ROBO2: variants seen among roughly 807,000 people sequenced by gnomAD.
ROBO2 encodes roundabout guidance receptor 2, also known as roundabout homolog 2.
In ROBO2, 53 loss-of-function variants were observed where a neutral mutation model predicts 160.8. The ratio of observed to expected loss-of-function variants is 0.33; its 90% CI spans 0.26 to 0.41. The LOEUF is 0.41. ROBO2 is among the 10% of genes least tolerant of loss of function. The pLI, the probability that ROBO2 is intolerant of heterozygous loss-of-function variation, is 1.00. For missense variants in ROBO2, 1,577 were observed against 1,722.4 expected (o/e 0.92, Z 1.49); for synonymous variants, 664 against 611.7 (o/e 1.09, Z -1.26).
At chr3:76,035,245 G>T in intron 2 of ROBO2, among the ~76,000 whole-genome samples, 1 of 141,100 alleles carries the variant, frequency 7.1e-6, no homozygotes. Context: ...GCACATATTT[G>T]GTATTTAAGA....
intron 2 of ROBO2, among the ~76,000 whole-genome samples, chr3:75,979,536 T>C (rs539965084): frequency 1.3e-5 from 2 of 151,562 alleles, no homozygotes; most frequent in African/African-American, 4.8e-5. Flanking sequence ...ATCTAACCTA[T>C]TGGGAGCACA....
intron 2 of ROBO2, among the ~76,000 whole-genome samples, chr3:77,310,202 T>A (rs1436890258): frequency 2.0e-5 from 3 of 152,126 alleles, no homozygotes; most frequent in Non-Finnish European, 4.4e-5. Context: ...AGAGCCCGTT[T>A]ATTGCGAAAT....
intron 2 of ROBO2, among the ~76,000 whole-genome samples, chr3:77,112,992 G>A (rs946892514): frequency 6.6e-6 from 1 of 152,154 alleles, no homozygotes; most frequent in African/African-American, 2.4e-5. Context: ...ATAATTCTCA[G>A]CACTTTCCTA....
chr3:76,263,768 G>A (rs7639326), intron 2 of ROBO2, among the ~76,000 whole-genome samples: 113,462 of 152,068 alleles, frequency 0.75, 45,799 homozygotes, highest in Non-Finnish European at 0.92. Context: ...ATACATGCAC[G>A]TGTATGTTTA....
At chr3:77,482,983 C>T (rs1374897) in intron 4 of ROBO2, among the ~76,000 whole-genome samples, 53,541 of 151,944 alleles carry the variant, frequency 0.35, 9,582 homozygotes, top group Admixed American at 0.44. Flanking sequence ...GAAATATTTA[C>T]TCTACTTTCC....
At chr3:75,914,526 G>A (rs915528570) in intron 1 of ROBO2, among the ~76,000 whole-genome samples, 7 of 151,982 alleles carry the variant, frequency 4.6e-5, no homozygotes, top group Non-Finnish European at 8.8e-5. Flanking sequence ...TAACAATGTC[G>A]AAGAAAGTAT....
chr3:76,632,479 G>A (rs553754827), intron 2 of ROBO2, among the ~76,000 whole-genome samples: 2 of 152,170 alleles, frequency 1.3e-5, no homozygotes, highest in South Asian at 4.1e-4. Flanking sequence ...TTGCCTCATT[G>A]TGAGGTAAGT....
intron 2 of ROBO2, among the ~76,000 whole-genome samples, chr3:76,245,270 G>A (rs1705548199): frequency 6.6e-6 from 1 of 152,190 alleles, no homozygotes; most frequent in Admixed American, 6.5e-5. Flanking sequence ...GCCAGAGCTT[G>A]AACCCTTTTG....
intron 2 of ROBO2, among the ~76,000 whole-genome samples, chr3:76,720,584 G>A (rs1383999176): frequency 6.6e-6 from 1 of 152,170 alleles, no homozygotes; most frequent in Admixed American, 6.5e-5. Context: ...TTTGCCTTAG[G>A]CAGAAACAAA....
At chr3:76,995,955 A>G (rs1443875892) in intron 2 of ROBO2, among the ~76,000 whole-genome samples, 1 of 152,086 alleles carries the variant, frequency 6.6e-6, no homozygotes, top group Non-Finnish European at 1.5e-5. Context: ...CTTTAGTTTA[A>G]TTAGATCCCA....
At chr3:76,415,239 G>T (rs1377322223) in intron 2 of ROBO2, among the ~76,000 whole-genome samples, 2 of 152,132 alleles carry the variant, frequency 1.3e-5, no homozygotes, top group Admixed American at 6.5e-5. Flanking sequence ...CAGTTCTGAG[G>T]CAATGGGACT....
intron 2 of ROBO2, among the ~76,000 whole-genome samples, chr3:77,421,324 T>A (rs1003441365): frequency 6.6e-6 from 1 of 152,148 alleles, no homozygotes; most frequent in African/African-American, 2.4e-5. Flanking sequence ...ACGACAAATA[T>A]CCAGAGAAGT....
intron 2 of ROBO2, among the ~76,000 whole-genome samples, chr3:76,639,528 C>T (rs896772658): frequency 3.3e-5 from 5 of 151,580 alleles, no homozygotes; most frequent in African/African-American, 1.2e-4. Flanking sequence ...TACTATGAAA[C>T]GAGGAGCAGT....
At chr3:76,550,103 CT>C (rs1447254471) in intron 2 of ROBO2, among the ~76,000 whole-genome samples, 1 of 152,090 alleles carries the variant, frequency 6.6e-6, no homozygotes, top group African/African-American at 2.4e-5. Context: ...TATTGCTTTA[CT>C]TTTTAAATAT....
chr3:77,200,295 ATATATATATATAT>A (rs2082749930), intron 2 of ROBO2, among the ~76,000 whole-genome samples: 2 of 75,290 alleles, frequency 2.7e-5, no homozygotes, highest in African/African-American at 1.2e-4. Context: ...ATATATATAT[ATATATATATATAT>A]ATATATATAT....
At chr3:76,533,696 A>AG (rs1219230263) in intron 2 of ROBO2, among the ~76,000 whole-genome samples, 9 of 152,078 alleles carry the variant, frequency 5.9e-5, no homozygotes, top group African/African-American at 2.2e-4. Context: ...GAGATAGGGG[A>AG]GGGGCAGCTT....
chr3:77,354,360 C>A (rs541615127), intron 2 of ROBO2, among the ~76,000 whole-genome samples: 1 of 152,296 alleles, frequency 6.6e-6, no homozygotes, highest in African/African-American at 2.4e-5. Flanking sequence ...ACTGCAGTTT[C>A]ATTTCATTGT....
intron 2 of ROBO2, among the ~76,000 whole-genome samples, chr3:76,070,463 C>T (rs1214705921): frequency 6.6e-6 from 1 of 152,120 alleles, no homozygotes; most frequent in African/African-American, 2.4e-5. Flanking sequence ...ACCGGTTGAT[C>T]TCAAAACCTG....
At chr3:76,806,679 G>A (rs2064749374) in intron 2 of ROBO2, among the ~76,000 whole-genome samples, 1 of 151,968 alleles carries the variant, frequency 6.6e-6, no homozygotes, top group South Asian at 2.1e-4. Context: ...GTTTAATGAG[G>A]AAGAGCTTCA....
Sources: gnomAD v4.1 joint callset for allele counts (sites outside exome capture counted in the v4.1 genomes callset) on GRCh38, gnomAD v4.1.1 for gene constraint, MANE v1.5 for transcripts, NCBI Gene and HGNC (gene_info 2026-07-23, HGNC 2026-07-21) for gene names.